Variants in CSMD3 observed in about 807,000 individuals in gnomAD.
CSMD3 encodes CUB and Sushi multiple domains 3, also known as CUB and sushi domain-containing protein 3.
In CSMD3, 177 loss-of-function variants were observed where a neutral mutation model predicts 435.2. The observed-to-expected ratio is 0.41, with a 90% confidence interval of 0.36 to 0.46. The LOEUF (loss-of-function observed/expected upper bound fraction) is 0.46. Among genes scored for constraint, CSMD3 ranks in the 20% least tolerant of loss-of-function variants. The pLI, the probability that CSMD3 is intolerant of heterozygous loss-of-function variation, is 0.34. For synonymous variants in CSMD3, 1,656 were observed against 1,520.5 expected, an observed-to-expected ratio of 1.09 and a Z score of -2.07; for missense variants, 4,265 against 4,504.6, an observed-to-expected ratio of 0.95 and a Z score of 1.52.
intron 27 of CSMD3, among the ~76,000 whole-genome samples, chr8:112,524,000 G>A (rs1448770843): frequency 6.6e-6 from 1 of 152,034 alleles, no homozygotes; most frequent in Non-Finnish European, 1.5e-5. Context: ...CAAGTATATA[G>A]AAATCTCTTT....
chr8:112,975,715 T>C, intron 7 of CSMD3, 122 bp downstream of exon 7: 1 of 1,481,178 alleles, frequency 6.8e-7, no homozygotes, highest in Non-Finnish European at 9.2e-7. Flanking sequence ...TCAGCTACTT[T>C]GAACTTTTTC....
rs1480612572 is a variant in CSMD3 at position 112,405,202 on chromosome 8, A to C, written c.5809+1322T>G. ...CTCTCTCAAAAAAAAAAAAAAAAAA[A>C]AAAAAAACCCCCATATATATATATA... On this transcript the variant is annotated intron_variant, in intron 35 of 70. Coordinates refer to ENST00000297405, the MANE Select transcript of CSMD3 (RefSeq NM_198123.2). Among the ~76,000 whole-genome samples the C allele has an allele frequency of 1.7e-4, 6 of 36,198 alleles. 1 individual carries two copies. In the East Asian group the frequency reaches 4.1e-3, roughly 25 times the overall value. The allele number at this position is 36,198 out of a possible 152,430, so 23.7% of individuals were successfully genotyped here. A position where few individuals can be genotyped will look rare whatever the true frequency, so the allele number is the denominator to read the frequency against.
intron 12 of CSMD3, among the ~76,000 whole-genome samples, chr8:112,816,679 A>G (rs2079384520): frequency 2.0e-5 from 3 of 152,080 alleles, no homozygotes; most frequent in Admixed American, 2.0e-4. Context: ...AGTAAAAACA[A>G]TAGTATATAT....
At chr8:112,308,433 AACGTACCAGAATAATGGG>A (rs1821649891) in intron 50 of CSMD3, among the ~76,000 whole-genome samples, 1 of 152,116 alleles carries the variant, frequency 6.6e-6, no homozygotes, top group South Asian at 2.1e-4. Context: ...AAAAAGAGAC[AACGTACCAGAATAATGGG>A]ACAATTCCTG....
At chr8:113,201,843 A>G (rs2132033907) in intron 3 of CSMD3, among the ~76,000 whole-genome samples, 1 of 152,192 alleles carries the variant, frequency 6.6e-6, no homozygotes, top group Admixed American at 6.6e-5. Context: ...ATATTTATGG[A>G]AAATCAAATA....
intron 3 of CSMD3, among the ~76,000 whole-genome samples, chr8:113,225,306 C>T (rs888847480): frequency 6.6e-6 from 1 of 151,428 alleles, no homozygotes; most frequent in Admixed American, 6.6e-5. Context: ...AAAGAACATT[C>T]AGAAAAAGTT....
At chr8:113,254,495 G>A (rs1462047801) in intron 3 of CSMD3, among the ~76,000 whole-genome samples, 1 of 152,148 alleles carries the variant, frequency 6.6e-6, no homozygotes. Context: ...GATTAGGGTA[G>A]GGAGGCCAGC....
At chr8:113,342,246 C>T (rs907296139) in intron 1 of CSMD3, among the ~76,000 whole-genome samples, 3 of 152,124 alleles carry the variant, frequency 2.0e-5, no homozygotes, top group Non-Finnish European at 4.4e-5. Flanking sequence ...CATGTAAACA[C>T]TAGACTATAA....
intron 38 of CSMD3, among the ~76,000 whole-genome samples, chr8:112,361,381 G>C (rs757764329): frequency 2.7e-4 from 41 of 151,304 alleles, no homozygotes; most frequent in Non-Finnish European, 4.9e-4. Flanking sequence ...AGTTACCCTG[G>C]CTGAAAATAT....
chr8:113,098,010 C>T (rs72685823), intron 5 of CSMD3, among the ~76,000 whole-genome samples: 84 of 152,048 alleles, frequency 5.5e-4, no homozygotes, highest in Admixed American at 9.2e-4. Context: ...CTTCCTACAG[C>T]GAATCGAGTC....
chr8:113,407,723 A>G, intron 1 of CSMD3, among the ~76,000 whole-genome samples: 1 of 152,096 alleles, frequency 6.6e-6, no homozygotes, highest in African/African-American at 2.4e-5. Flanking sequence ...TTCTAAGACA[A>G]CACAGACCAT....
intron 3 of CSMD3, among the ~76,000 whole-genome samples, chr8:113,228,923 T>C (rs2093055920): frequency 6.6e-6 from 1 of 151,572 alleles, no homozygotes; most frequent in Non-Finnish European, 1.5e-5. Flanking sequence ...TGCCCATCCA[T>C]GCAAAAGTAT....
intron 28 of CSMD3, among the ~76,000 whole-genome samples, chr8:112,508,793 AT>A (rs145770099): frequency 3.5e-4 from 53 of 150,178 alleles, no homozygotes; most frequent in Admixed American, 1.1e-3. Context: ...CTAAATTCTG[AT>A]TTTTTTTTTA....
At chr8:112,437,025 T>C (rs950267373) in intron 32 of CSMD3, among the ~76,000 whole-genome samples, 6 of 152,090 alleles carry the variant, frequency 3.9e-5, no homozygotes, top group African/African-American at 1.4e-4. Flanking sequence ...CGGGTTCTTA[T>C]TTGAGCACAG....
chr8:112,383,556 C>T lies in CSMD3; in HGVS notation c.6031+11G>A. 5 of 1,395,734 alleles carry T rather than the reference C, an allele frequency of 3.6e-6. No homozygotes were observed. Among genetic ancestry groups the T allele is most frequent in the East Asian group, 2.3e-5 (1 of 43,792 alleles). 86.5% of individuals were successfully genotyped at this position (1,395,734 alleles called of 1,614,324 possible). Reference sequence around the variant, plus strand: ...ATCTGTATTTTAATTAAGCTCAGCTCTCTTATTTACCTGAATAGCTTCCAA... The same window carrying T: ...ATCTGTATTTTAATTAAGCTCAGCTTTCTTATTTACCTGAATAGCTTCCAA... On this transcript the variant is annotated intron_variant, in intron 37 of 70. Transcript: ENST00000297405.
intron 32 of CSMD3, among the ~76,000 whole-genome samples, chr8:112,433,043 T>C (rs1490913485): frequency 6.6e-6 from 1 of 152,188 alleles, no homozygotes; most frequent in East Asian, 1.9e-4. Context: ...CAAATTACAT[T>C]TTTGGCATGA....
At chr8:112,372,802 T>C (rs1332831476) in intron 38 of CSMD3, among the ~76,000 whole-genome samples, 2 of 151,334 alleles carry the variant, frequency 1.3e-5, no homozygotes, top group African/African-American at 4.9e-5. Context: ...TGAGCCGAGA[T>C]AGTGCCATTG....
intron 25 of CSMD3, among the ~76,000 whole-genome samples, chr8:112,554,113 A>G (rs1827915188): frequency 6.6e-6 from 1 of 151,972 alleles, no homozygotes; most frequent in Non-Finnish European, 1.5e-5. Flanking sequence ...CTTTGGACTT[A>G]TCAGCCCCCA....
chr8:113,433,560 T>C (rs974313973), intron 1 of CSMD3, among the ~76,000 whole-genome samples: 1 of 152,180 alleles, frequency 6.6e-6, no homozygotes, highest in Non-Finnish European at 1.5e-5. Context: ...CGCAGAAACG[T>C]GGATCCTTCG....
Sources: allele counts gnomAD v4.1 joint callset (sites outside exome capture counted in the v4.1 genomes callset), GRCh38; gene constraint gnomAD v4.1.1; transcripts MANE v1.5; gene names NCBI Gene and HGNC (gene_info 2026-07-23, HGNC 2026-07-21).